NDRG2: variants seen among roughly 807,000 people sequenced by gnomAD.
NDRG2 encodes protein NDRG2.
In NDRG2, 34 loss-of-function variants were observed where a neutral mutation model predicts 58.2. That is an observed-to-expected ratio of 0.58 (90% CI 0.44 to 0.78). The LOEUF (loss-of-function observed/expected upper bound fraction) is 0.78, where lower values mean the gene tolerates loss of function less well. NDRG2 is among the 30% of genes least tolerant of loss of function. The pLI is 0.00. For synonymous variants in NDRG2, 187 were observed against 175.9 expected, an observed-to-expected ratio of 1.06 and a Z score of -0.50; for missense variants, 434 against 471.2, an observed-to-expected ratio of 0.92 and a Z score of 0.73.
In NDRG2 at chr14:21,043,330, CAG is replaced by C. The variant is rs1239177717; in HGVS notation, c.25-20011_25-20010del. ...TCCCTGACCATGTGTAAGCTCACCT[CAG>C]GGAAGCATCCGAACTGCAGGTACAA... On this transcript the variant is annotated intron_variant, in intron 1 of 14. Transcript: ENST00000403829. 2.5e-6 allele frequency: 4 copies of C among 1,614,180 alleles called. No homozygotes were observed. The Admixed American group carries it at 6.7e-5, about 27-fold the overall frequency.
chr14:21,051,417 T>G lies in NDRG2; in HGVS notation c.24+19411A>C, dbSNP rs73585992. Among the ~76,000 whole-genome samples the G allele has an allele frequency of 5.4e-3, 822 of 152,286 alleles. 9 individuals carry two copies. Among genetic ancestry groups the G allele is most frequent in the African/African-American group, 0.019 (793 of 41,560 alleles). On this transcript the variant is annotated intron_variant, in intron 1 of 14. Coordinates refer to the NDRG2 transcript ENST00000403829. Reference sequence around the variant, plus strand: ...GCAGGGCTGAAGGCTGCACGCAGCCTTGTTGTGGTAAGTCAGAGGTCTCAG... The same window carrying G: ...GCAGGGCTGAAGGCTGCACGCAGCCGTGTTGTGGTAAGTCAGAGGTCTCAG...
At chr14:21,032,187 G>A (rs1297414706) in intron 1 of NDRG2, 2 of 1,158,710 alleles carry the variant, frequency 1.7e-6, no homozygotes, top group African/African-American at 3.0e-5. Flanking sequence ...CTCTGTCTGT[G>A]AGGGACAGAT....
intron 1 of NDRG2, among the ~76,000 whole-genome samples, chr14:21,065,215 A>G (rs892612917): frequency 2.0e-5 from 3 of 151,884 alleles, no homozygotes; most frequent in African/African-American, 7.3e-5. Flanking sequence ...TCTGTCCTGC[A>G]TGCCTTCCAC....
rs925611167 is a variant in NDRG2 at position 21,070,540 on chromosome 14, C to T, written c.24+288G>A. 3.7e-6 allele frequency: 4 copies of T among 1,084,174 alleles called. No homozygotes were observed. The highest frequency in any genetic ancestry group is 3.2e-5 in the African/African-American group (2 of 63,262). 67.2% of individuals were successfully genotyped at this position (1,084,174 alleles called of 1,614,324 possible). A position where few individuals can be genotyped will look rare whatever the true frequency, so the allele number is the denominator to read the frequency against. ...GGGACTCTCCTCCCTCCCATCCCCC[C>T]TTCTTCGATTTGTCTGTCTGCCCGA... On this transcript the variant is annotated intron_variant, in intron 1 of 14. Coordinates refer to the NDRG2 transcript ENST00000403829. The surrounding 1 kb of genome is among the most constrained non-coding windows in gnomAD (Gnocchi z 4.7).
At chr14:21,057,280 G>T (rs1360239182) in intron 1 of NDRG2, among the ~76,000 whole-genome samples, 3 of 151,990 alleles carry the variant, frequency 2.0e-5, no homozygotes, top group Non-Finnish European at 4.4e-5. Context: ...ACTAAAAATA[G>T]AAAAAATTAG....
At chr14:21,019,808 G>C (rs1175045911) in intron 9 of NDRG2, 66 bp from the exon 10 acceptor site, 9 of 1,506,924 alleles carry the variant, frequency 6.0e-6, no homozygotes, top group Non-Finnish European at 8.3e-6. Context: ...TGGAGGAAAA[G>C]AGGTAAGCCT....
upstream of NDRG2, chr14:21,025,161 CA>C (rs1299225007): frequency 6.8e-5 from 64 of 947,950 alleles, no homozygotes; most frequent in Non-Finnish European, 7.4e-5. This position sits in a 1 kb window ranked among gnomAD's most constrained non-coding sequence, Gnocchi z 5.1. Flanking sequence ...AGACCCGCCC[CA>C]GACCCCCAGT....
chr14:21,055,297 A>G (rs531001499), intron 1 of NDRG2, among the ~76,000 whole-genome samples: 38 of 152,370 alleles, frequency 2.5e-4, no homozygotes, highest in African/African-American at 8.7e-4. Flanking sequence ...ATGTGTCCCA[A>G]ATTTCAAAAT....
chr14:21,053,613 C>A (rs1330881208), intron 1 of NDRG2, among the ~76,000 whole-genome samples: 1 of 151,766 alleles, frequency 6.6e-6, no homozygotes, highest in African/African-American at 2.4e-5. Context: ...GGCGGCAGAG[C>A]AAGACTCCGT....
chr14:21,025,722 C>G (rs1883505210), upstream of NDRG2: 9 of 851,368 alleles, frequency 1.1e-5, no homozygotes, highest in Non-Finnish European at 1.1e-5. The surrounding 1 kb of genome is among the most constrained non-coding windows in gnomAD (Gnocchi z 5.1). Flanking sequence ...CCGGCTGCTC[C>G]GGGAGAAGTT....
At position 21,024,908 on chromosome 14, in the gene NDRG2, G is replaced by T; in HGVS notation, c.-885C>A. 1 of 985,604 alleles carries T rather than the reference G, an allele frequency of 1.0e-6. No homozygotes were observed. The highest frequency in any genetic ancestry group is 1.2e-6 in the Non-Finnish European group (1 of 830,066). 61.1% of individuals were successfully genotyped at this position (985,604 alleles called of 1,614,324 possible). A position where few individuals can be genotyped will look rare whatever the true frequency, so the allele number is the denominator to read the frequency against. On this transcript the variant is annotated 5_prime_UTR_variant, in exon 1 of 16. Coordinates refer to ENST00000556147, the MANE Select transcript of NDRG2 (RefSeq NM_001320329.2). ...CTTTGTGCGCAGCAACCGAGCGCCC[G>T]CTCCGTGCTGGCCCTTTCCCCCGAG...
Position 21,025,042 on chromosome 14 carries a change from G to C in NDRG2, c.-1019C>G. 1.6e-5 allele frequency: 16 copies of C among 985,790 alleles called. No individual in the cohort carries two copies. The highest frequency in any genetic ancestry group is 1.8e-5 in the Non-Finnish European group (15 of 830,366). The allele number at this position is 985,790 out of a possible 1,614,324, so 61.1% of individuals were successfully genotyped here. ...CCCTCCCCCTACCTGCTGCCGCCGC[G>C]GCCGCTTCCACCTTCACTTGCCTTT... On this transcript the variant is annotated 5_prime_UTR_variant, in exon 1 of 16. Coordinates refer to ENST00000556147, the MANE Select transcript of NDRG2 (RefSeq NM_001320329.2). The surrounding 1 kb of genome is among the most constrained non-coding windows in gnomAD (Gnocchi z 5.1).
chr14:21,062,141 A>C (rs908894096), intron 1 of NDRG2, among the ~76,000 whole-genome samples: 1 of 152,254 alleles, frequency 6.6e-6, no homozygotes, highest in Non-Finnish European at 1.5e-5. Flanking sequence ...AGGAAACATA[A>C]GTGTTAAAAA....
chr14:21,021,914 C>A, intron 5 of NDRG2, 35 bp from the exon 6 acceptor site: 1 of 1,611,612 alleles, frequency 6.2e-7, no homozygotes, highest in Non-Finnish European at 8.5e-7. Context: ...AAGATACCAA[C>A]CTGCCCTCAC....
Position 21,058,256 on chromosome 14 carries a change from G to A in NDRG2, c.24+12572C>T, listed in dbSNP as rs140610133. The A allele has an allele frequency of 1.7e-4, 279 of 1,614,150 alleles. No individual in the cohort carries two copies. In the East Asian group the frequency reaches 3.0e-3, roughly 17 times the overall value. On this transcript the variant is annotated intron_variant, in intron 1 of 14. Coordinates refer to the NDRG2 transcript ENST00000403829. ...GAAGTACCCAAACTGCAGGTACAAAGAGAAGCACCTGAACACACCTTACAT... is the reference window on the plus strand; with the variant it reads ...GAAGTACCCAAACTGCAGGTACAAAAAGAAGCACCTGAACACACCTTACAT...
rs777486503 is a variant in NDRG2 at position 21,034,061 on chromosome 14, A to T, written c.25-10740T>A. 6.2e-7 allele frequency: 1 copy of T among 1,614,214 alleles called. No homozygotes were observed. The highest frequency in any genetic ancestry group is 8.5e-7 in the Non-Finnish European group (1 of 1,180,018). ...ACTTCTGGATGGCCTTCCAAGGGGC[A>T]TGTATCACATAATGGATCTTTGGGC... On this transcript the variant is annotated intron_variant, in intron 1 of 14. Coordinates refer to the NDRG2 transcript ENST00000403829.
At chr14:21,053,959 G>A (rs61978191) in intron 1 of NDRG2, among the ~76,000 whole-genome samples, 1,727 of 152,288 alleles carry the variant, frequency 0.011, 17 homozygotes, top group Non-Finnish European at 0.018. Context: ...TGAAAGAGGT[G>A]GGACCAGAAT....
At chr14:21,065,710 A>T (rs973791798) in intron 1 of NDRG2, among the ~76,000 whole-genome samples, 2 of 152,212 alleles carry the variant, frequency 1.3e-5, no homozygotes, top group African/African-American at 2.4e-5. Flanking sequence ...AGTCACTAGA[A>T]TCGTGAATGA....
In NDRG2 at chr14:21,020,253, C is replaced by T. The variant is rs1879381814; in HGVS notation, c.555+243G>A. The T allele has an allele frequency of 4.6e-5, 25 of 543,968 alleles. No individual in the cohort carries two copies. The South Asian group carries it at 5.6e-4, about 12-fold the overall frequency. The allele number at this position is 543,968 out of a possible 1,614,324, so 33.7% of individuals were successfully genotyped here. ...AGGTTGCAGTGAGCCAAGATCAAGCCACTGCACTCCAGCCTTGGCAACAGA... is the reference window on the plus strand; with the variant it reads ...AGGTTGCAGTGAGCCAAGATCAAGCTACTGCACTCCAGCCTTGGCAACAGA... On this transcript the variant is annotated intron_variant, in intron 8 of 15. Coordinates refer to ENST00000556147, the MANE Select transcript of NDRG2 (RefSeq NM_001320329.2).
Sources: allele counts gnomAD v4.1 joint callset (sites outside exome capture counted in the v4.1 genomes callset), GRCh38; gene constraint gnomAD v4.1.1; non-coding constraint Gnocchi (gnomAD v3.1); transcripts MANE v1.5; gene names NCBI Gene and HGNC (gene_info 2026-07-23, HGNC 2026-07-21).